Variants in ALB observed in about 807,000 individuals in gnomAD.
ALB encodes serum albumin.
Under a neutral mutation model 74.5 loss-of-function variants are expected in ALB, and 37 were observed. The observed-to-expected ratio is 0.50, with a 90% CI of 0.38 to 0.65. ALB has a LOEUF of 0.65. Among genes scored for constraint, ALB ranks in the 30% least tolerant of loss-of-function variants. ALB has a pLI of 0.00. For synonymous variants in ALB, 249 were observed against 251.6 expected (o/e 0.99, Z 0.10); for missense variants, 685 against 718.7 (o/e 0.95, Z 0.54).
chr4:73,410,512 T>C, intron 6 of ALB, 103 bp downstream of exon 6: 1 of 846,398 alleles, frequency 1.2e-6, no homozygotes, highest in East Asian at 2.5e-5. Context: ...TGCTGTCAAA[T>C]ACATTTCTTT....
chr4:73,409,252 A>T, intron 4 of ALB, 103 bp from the exon 5 acceptor site: 1 of 1,265,246 alleles, frequency 7.9e-7, no homozygotes, highest in Non-Finnish European at 1.1e-6. Flanking sequence ...GGTTAATTAG[A>T]TATCTTTGGA....
At chr4:73,420,197 TG>T in intron 13 of ALB, 56 bp from the exon 14 acceptor site, 1 of 1,458,660 alleles carries the variant, frequency 6.9e-7, no homozygotes, top group East Asian at 2.3e-5. Flanking sequence ...ATGTTAATTT[TG>T]TATCCTAATA....
chr4:73,406,014 C>A (rs562913858), intron 2 of ALB, among the ~76,000 whole-genome samples: 1 of 152,212 alleles, frequency 6.6e-6, no homozygotes, highest in East Asian at 1.9e-4. Flanking sequence ...GTAATCCCAG[C>A]ACTTTGGAAG....
At chr4:73,412,591 A>G (rs1453793733) in intron 7 of ALB, among the ~76,000 whole-genome samples, 12 of 152,134 alleles carry the variant, frequency 7.9e-5, no homozygotes, top group Non-Finnish European at 1.0e-4. Flanking sequence ...GATTACAGGC[A>G]TGCGCCACCA....
chr4:73,415,486 G>A (rs573603483), intron 9 of ALB: 70 of 294,006 alleles, frequency 2.4e-4, no homozygotes, highest in Middle Eastern at 2.3e-3. Context: ...TAGATGTAAA[G>A]TGAGTTAACC....
intron 8 of ALB, 85 bp downstream of exon 8, chr4:73,413,719 C>T: frequency 7.6e-7 from 1 of 1,311,236 alleles, no homozygotes; most frequent in East Asian, 2.4e-5. Flanking sequence ...TGTGGAGTTG[C>T]TACAATTTCC....
intron 6 of ALB, 106 bp downstream of exon 6, chr4:73,410,515 AT>A (rs1313335773): frequency 1.2e-6 from 1 of 825,852 alleles, no homozygotes; most frequent in Non-Finnish European, 2.1e-6. Flanking sequence ...TGTCAAATAC[AT>A]TTCTTTGGTT....
chr4:73,412,853 C>CT (rs1718914707), intron 7 of ALB, among the ~76,000 whole-genome samples: 2 of 152,168 alleles, frequency 1.3e-5, no homozygotes, highest in Non-Finnish European at 2.9e-5. Context: ...TTAATTAACT[C>CT]TGTTTGTTAG....
At position 73,419,523 on chromosome 4, in the gene ALB, G is replaced by A. The variant is rs78284052; in HGVS notation, c.1669G>A (p.Val557Met). 633 of 1,610,426 alleles carry A rather than the reference G, an allele frequency of 3.9e-4. 1 individual carries two copies. Among genetic ancestry groups the A allele is most frequent in the Middle Eastern group, 8.3e-4 (5 of 6,042 alleles). ...CAAACTCAGTGCACTTGTTGAGCTCGTGAAACACAAGCCCAAGGCAACAAA... is the reference window on the plus strand; with the variant it reads ...CAAACTCAGTGCACTTGTTGAGCTCATGAAACACAAGCCCAAGGCAACAAA... Reference protein sequence around the residue: ...IKKQTALVELVKHKPKATKEQ... With the variant: ...IKKQTALVELMKHKPKATKEQ... The change falls in exon 13 of 15, where the codon GTG becomes ATG. Residue 557 changes from valine to methionine, a missense_variant. Transcript: ENST00000295897.
At chr4:73,417,868 A>G (rs1719054461) in intron 11 of ALB, 199 bp downstream of exon 11, 3 of 643,544 alleles carry the variant, frequency 4.7e-6, no homozygotes, top group Non-Finnish European at 7.6e-6. Context: ...TTTTTTTTTG[A>G]GACGGAGTCT....
intron 7 of ALB, among the ~76,000 whole-genome samples, chr4:73,413,009 A>G (rs1378164811): frequency 6.6e-6 from 1 of 152,164 alleles, no homozygotes; most frequent in Non-Finnish European, 1.5e-5. Context: ...GTTATTTTAT[A>G]TATGTAAGCA....
chr4:73,415,684 C>G (rs949773688), intron 9 of ALB, among the ~76,000 whole-genome samples: 2 of 152,048 alleles, frequency 1.3e-5, no homozygotes, highest in African/African-American at 4.8e-5. Flanking sequence ...GGTTTCTGAA[C>G]TATTCAGAAT....
At position 73,408,816 on chromosome 4, in the gene ALB, A is replaced by C. The variant is rs754203026; in HGVS notation, c.482+11A>C. ...GACATTTTTGAAAAAGTAAGTAATC[A>C]GATGTTTATAGTTCAAAATTAAAAA... On this transcript the variant is annotated intron_variant, in intron 4 of 14. Transcript: ENST00000295897. The C allele has an allele frequency of 1.2e-6, 2 of 1,607,600 alleles. No individual in the cohort carries two copies. The highest frequency in any genetic ancestry group is 1.7e-6 in the Non-Finnish European group (2 of 1,175,010).
chr4:73,406,345 C>G (rs1156347411), intron 2 of ALB, among the ~76,000 whole-genome samples: 1 of 152,162 alleles, frequency 6.6e-6, no homozygotes, highest in East Asian at 1.9e-4. Context: ...ACAATTAGAT[C>G]TATTTGGCAT....
chr4:73,418,097 G>A lies in ALB; in HGVS notation c.1438G>A (p.Val480Ile), dbSNP rs372174571. The A allele has an allele frequency of 6.6e-5, 106 of 1,613,836 alleles. No homozygotes were observed. The highest frequency in any genetic ancestry group is 8.4e-5 in the Non-Finnish European group (99 of 1,179,956). Residue 480 changes from valine (V) to isoleucine (I), a missense_variant, in exon 12 of 15, where the codon GTC (valine) becomes ATC (isoleucine). Physicochemically the swap from Val to Ile is conservative, Grantham distance 29. Coordinates refer to ENST00000295897, the MANE Select transcript of ALB (RefSeq NM_000477.7). ...MPCAEDYLSV[V>I]LNQLCVLHEK... ...CCTGCCTGTTCTTTAGCTATCCGTGGTCCTGAACCAGTTATGTGTGTTGCA... is the reference window on the plus strand; with the variant it reads ...CCTGCCTGTTCTTTAGCTATCCGTGATCCTGAACCAGTTATGTGTGTTGCA...
rs749384178 is a variant in ALB at position 73,418,094 on chromosome 4, G to A, written c.1435G>A (p.Val479Met). 6.2e-6 allele frequency: 10 copies of A among 1,613,832 alleles called. No individual in the cohort carries two copies. The highest frequency in any genetic ancestry group is 2.7e-5 in the African/African-American group (2 of 74,902). ...RMPCAEDYLS[V>M]VLNQLCVLHE... ...TCTCCTGCCTGTTCTTTAGCTATCC[G>A]TGGTCCTGAACCAGTTATGTGTGTT... Residue 479 changes from valine to methionine, a missense_variant, in exon 12 of 15, where the codon GTG becomes ATG. Physicochemically the swap from Val to Met is conservative, Grantham distance 21. Transcript: ENST00000295897.
chr4:73,415,030 A>G lies in ALB; in HGVS notation c.1059-5A>G, dbSNP rs1481287246. On this transcript the variant is annotated splice_region_variant and splice_polypyrimidine_tract_variant and intron_variant, in intron 8 of 14. Coordinates refer to ENST00000295897, the MANE Select transcript of ALB (RefSeq NM_000477.7). Reference sequence around the variant, plus strand: ...CAAAGTCTATTTTATTTTCATCTTAATTAGGTTTTTGTATGAATATGCAAG... The same window carrying G: ...CAAAGTCTATTTTATTTTCATCTTAGTTAGGTTTTTGTATGAATATGCAAG... 1.2e-6 allele frequency: 2 copies of G among 1,613,902 alleles called. No individual in the cohort carries two copies. Among genetic ancestry groups the G allele is most frequent in the African/African-American group, 1.3e-5 (1 of 74,996 alleles).
intron 14 of ALB, 73 bp from the exon 15 acceptor site, chr4:73,421,019 A>C: frequency 1.5e-6 from 1 of 650,832 alleles, no homozygotes. Context: ...GTAATTTGGC[A>C]TTTATTTTAA....
At chr4:73,419,674 A>G (rs1459160826) in intron 13 of ALB, 35 bp downstream of exon 13, 1 of 1,612,408 alleles carries the variant, frequency 6.2e-7, no homozygotes, top group Admixed American at 1.7e-5. Context: ...TATGTCCAGT[A>G]TTCATTTTTG....
Sources: gnomAD v4.1 joint callset for allele counts (sites outside exome capture counted in the v4.1 genomes callset) on GRCh38, gnomAD v4.1.1 for gene constraint, MANE v1.5 for transcripts, NCBI Gene and HGNC (gene_info 2026-07-23, HGNC 2026-07-21) for gene names.